The following HIVEP1 variants were observed in gnomAD, a reference collection of about 807,000 sequenced individuals.
HIVEP1 encodes HIVEP zinc finger 1.
Under a neutral mutation model 180.0 loss-of-function variants are expected in HIVEP1, and 36 were observed. The observed-to-expected ratio is 0.20, with a 90% CI of 0.15 to 0.26. The LOEUF (loss-of-function observed/expected upper bound fraction) is 0.26. Ranked by LOEUF, HIVEP1 falls within the 10% of genes least tolerant of loss-of-function variation. HIVEP1 has a pLI of 1.00. For missense variants in HIVEP1, 3,143 were observed against 3,268.7 expected (o/e 0.96, Z 0.94); for synonymous variants, 1,239 against 1,239.0 (o/e 1.00, Z 0.00).
At chr6:12,148,650 G>A (rs905515269) in intron 7 of HIVEP1, among the ~76,000 whole-genome samples, 1 of 152,110 alleles carries the variant, frequency 6.6e-6, no homozygotes, top group South Asian at 2.1e-4. Context: ...AAACCACACC[G>A]GGATTTCATT....
the HIVEP1 span, among the ~76,000 whole-genome samples, chr6:12,180,104 C>T: frequency 1.4e-5 from 2 of 144,956 alleles, no homozygotes; most frequent in East Asian, 4.1e-4. Flanking sequence ...TCCTGCTAAA[C>T]ACTTCACATT....
In HIVEP1 at chr6:12,061,298, A is replaced by G. The variant is rs951942685; in HGVS notation, c.41-27886A>G. Among the ~76,000 whole-genome samples the G allele has an allele frequency of 4.6e-5, 7 of 152,260 alleles. No homozygotes were observed. The South Asian group carries it at 6.2e-4, about 13-fold the overall frequency. ...TAAACCAAATGTACACCCTGGTTAT[A>G]AAAAGAGACTAACTTCAATTGGCAC... is the stretch of plus-strand genomic sequence containing the variant. On this transcript the variant is annotated intron_variant, in intron 2 of 8. Transcript: ENST00000379388.
chr6:12,109,046 C>G (rs2113446149), intron 3 of HIVEP1, among the ~76,000 whole-genome samples: 1 of 152,348 alleles, frequency 6.6e-6, no homozygotes, highest in Non-Finnish European at 1.5e-5. Flanking sequence ...GCGGCGCGAT[C>G]TTGGCTTACT....
At chr6:12,208,671 G>A in the HIVEP1 span, among the ~76,000 whole-genome samples, 3 of 152,234 alleles carry the variant, frequency 2.0e-5, no homozygotes, top group East Asian at 3.9e-4. Flanking sequence ...CAGTTTAAAT[G>A]GCGTCCTTAG....
At chr6:12,195,931 C>T in the HIVEP1 span, among the ~76,000 whole-genome samples, 18 of 152,194 alleles carry the variant, frequency 1.2e-4, no homozygotes, top group African/African-American at 4.3e-4. Flanking sequence ...ATCCGTTCAC[C>T]TTTGCAGAAC....
intron 3 of HIVEP1, among the ~76,000 whole-genome samples, chr6:12,116,219 G>A (rs1200433173): frequency 6.6e-6 from 1 of 152,128 alleles, no homozygotes; most frequent in East Asian, 1.9e-4. Context: ...AATTAATCAA[G>A]ATGAGGGTAA....
At chr6:12,067,039 C>T (rs1771638396) in intron 2 of HIVEP1, among the ~76,000 whole-genome samples, 1 of 152,040 alleles carries the variant, frequency 6.6e-6, no homozygotes, top group African/African-American at 2.4e-5. Context: ...AGTGTATTTT[C>T]ATCAGCAGAT....
chr6:12,126,725 C>G (rs1758094982), intron 4 of HIVEP1, among the ~76,000 whole-genome samples: 1 of 152,080 alleles, frequency 6.6e-6, no homozygotes, highest in African/African-American at 2.4e-5. Context: ...ATGAACAATT[C>G]TAAAGAAGGA....
chr6:12,136,537 C>T (rs1423250207), intron 7 of HIVEP1, among the ~76,000 whole-genome samples: 1 of 152,186 alleles, frequency 6.6e-6, no homozygotes, highest in African/African-American at 2.4e-5. Flanking sequence ...CCCTCTTGTT[C>T]TGAGATTATT....
the HIVEP1 span, among the ~76,000 whole-genome samples, chr6:12,170,641 T>C: frequency 1.3e-5 from 2 of 151,940 alleles, no homozygotes; most frequent in Non-Finnish European, 2.9e-5. Context: ...TAAACCACAT[T>C]TTGGGATTTA....
chr6:12,024,686 A>G (rs544114872), intron 2 of HIVEP1, among the ~76,000 whole-genome samples: 1 of 152,374 alleles, frequency 6.6e-6, no homozygotes, highest in East Asian at 1.9e-4. Context: ...AGATGGAAAT[A>G]GGTTAAATAT....
chr6:12,089,251 A>T lies in HIVEP1; in HGVS notation c.94+14A>T. On this transcript the variant is annotated intron_variant, in intron 3 of 8. Transcript: ENST00000379388. ...TTTCAAAAAAAGGTAAATTAAAATC[A>T]GCTTGAATGTAAACTTTATTCTTGC... 2.0e-6 allele frequency: 3 copies of T among 1,480,274 alleles called. No homozygotes were observed. Among genetic ancestry groups the T allele is most frequent in the Non-Finnish European group, 2.8e-6 (3 of 1,063,174 alleles). 91.7% of individuals were successfully genotyped at this position (1,480,274 alleles called of 1,614,324 possible). A position where few individuals can be genotyped will look rare whatever the true frequency, so the allele number is the denominator to read the frequency against.
intron 2 of HIVEP1, among the ~76,000 whole-genome samples, chr6:12,040,344 A>C (rs1023960911): frequency 1.1e-4 from 17 of 152,208 alleles, no homozygotes; most frequent in African/African-American, 1.7e-4. Context: ...TTTCTCTAAG[A>C]GTTTAGTCCT....
rs762452821 is a variant in HIVEP1 at position 12,121,947 on chromosome 6, A to G, written c.2152A>G (p.Thr718Ala). Residue 718 changes from threonine (T) to alanine (A), a missense_variant, in exon 4 of 9, where the codon ACA becomes GCA. This residue lies in a region of HIVEP1 where 365 missense variants were observed against 344.4 expected (regional missense o/e 1.06). Coordinates refer to ENST00000379388, the MANE Select transcript of HIVEP1 (RefSeq NM_002114.4). This position sits in a 1 kb window ranked among gnomAD's most constrained non-coding sequence, Gnocchi z 5.3. ...CTCTGCAGCTCTTGTCACCACGTCAACACCCTCTGCTTTGCCCACAGGGGA... is the reference window on the plus strand; with the variant it reads ...CTCTGCAGCTCTTGTCACCACGTCAGCACCCTCTGCTTTGCCCACAGGGGA... ...GPSAALVTTS[T>A]PSALPTGEKA... 9.9e-6 allele frequency: 16 copies of G among 1,614,050 alleles called. No homozygotes were observed. The highest frequency in any genetic ancestry group is 1.6e-4 in the Middle Eastern group (1 of 6,084).
At chr6:12,025,588 T>A (rs1037651586) in intron 2 of HIVEP1, among the ~76,000 whole-genome samples, 5 of 152,214 alleles carry the variant, frequency 3.3e-5, no homozygotes, top group Non-Finnish European at 7.3e-5. Flanking sequence ...AGAAAATATT[T>A]CTGGGGAAAC....
chr6:12,082,063 C>CT (rs2113287435), intron 2 of HIVEP1, among the ~76,000 whole-genome samples: 1 of 152,188 alleles, frequency 6.6e-6, no homozygotes, highest in African/African-American at 2.4e-5. Flanking sequence ...TTAACCATTC[C>CT]TTTTTTACCT....
Position 12,102,686 on chromosome 6 carries a change from A to G in HIVEP1, c.94+13449A>G, listed in dbSNP as rs141576999. The stretch of plus-strand genomic sequence containing the variant: ...AAATACAGCTTGATGTACAACTACA[A>G]TTCCTCCAAGAAAAACCTCAAAGTA... On this transcript the variant is annotated intron_variant, in intron 3 of 8. Transcript: ENST00000379388. Among the ~76,000 whole-genome samples the G allele has an allele frequency of 2.3e-3, 354 of 152,356 alleles. 1 individual carries two copies. The highest frequency in any genetic ancestry group is 2.7e-3 in the Non-Finnish European group (187 of 68,030).
intron 2 of HIVEP1, among the ~76,000 whole-genome samples, chr6:12,022,462 G>C (rs1768303134): frequency 6.6e-6 from 1 of 152,172 alleles, no homozygotes; most frequent in Non-Finnish European, 1.5e-5. Context: ...GAGCCACCGT[G>C]CCTGGCCCAT....
chr6:12,034,748 C>T (rs1769170858), intron 2 of HIVEP1, among the ~76,000 whole-genome samples: 1 of 152,156 alleles, frequency 6.6e-6, no homozygotes, highest in Non-Finnish European at 1.5e-5. Context: ...CTGATTTCTT[C>T]TCATTGTGGG....
Sources: allele counts gnomAD v4.1 joint callset (sites outside exome capture counted in the v4.1 genomes callset), GRCh38; gene constraint gnomAD v4.1.1; regional missense constraint gnomAD v4.1.1; non-coding constraint Gnocchi (gnomAD v3.1); transcripts MANE v1.5; gene names NCBI Gene and HGNC (gene_info 2026-07-23, HGNC 2026-07-21).